SLC7A5: variants seen among roughly 807,000 people sequenced by gnomAD.
SLC7A5 encodes solute carrier family 7 member 5, also known as large neutral amino acids transporter small subunit 1.
Under a neutral mutation model 50.2 loss-of-function variants are expected in SLC7A5, and 23 were observed. The ratio of observed to expected loss-of-function variants is 0.46; its 90% confidence interval spans 0.33 to 0.65. The LOEUF (loss-of-function observed/expected upper bound fraction) is 0.65, where lower values mean the gene tolerates loss of function less well. Ranked by LOEUF, SLC7A5 falls within the 30% of genes least tolerant of loss-of-function variation. SLC7A5 has a pLI of 0.02. For missense variants in SLC7A5, 578 were observed against 684.4 expected (o/e 0.84, Z 1.73); for synonymous variants, 393 against 330.6 (o/e 1.19, Z -2.05).
chr16:87,856,025 C>G (rs2055314304), intron 1 of SLC7A5, among the ~76,000 whole-genome samples: 1 of 152,186 alleles, frequency 6.6e-6, no homozygotes, highest in Admixed American at 6.5e-5. Context: ...CTTGGCCTGT[C>G]TGTAAGTGGG....
chr16:87,845,561 A>G (rs2055143268), intron 2 of SLC7A5, among the ~76,000 whole-genome samples: 1 of 141,050 alleles, frequency 7.1e-6, no homozygotes. Context: ...CGCCCACCCT[A>G]GGCCACGGCG....
chr16:87,842,981 G>A (rs1233590018), intron 2 of SLC7A5, among the ~76,000 whole-genome samples: 1 of 152,174 alleles, frequency 6.6e-6, no homozygotes, highest in Non-Finnish European at 1.5e-5. Context: ...CTTCTGCTGG[G>A]GGGAGCATCT....
chr16:87,865,350 G>A (rs769866991), intron 1 of SLC7A5, among the ~76,000 whole-genome samples: 3 of 152,228 alleles, frequency 2.0e-5, no homozygotes, highest in Non-Finnish European at 2.9e-5. Context: ...CTCTGGGTCA[G>A]AGAGGGTTGG....
intron 2 of SLC7A5, among the ~76,000 whole-genome samples, chr16:87,846,876 A>G (rs1567493727): frequency 6.6e-6 from 1 of 152,188 alleles, no homozygotes; most frequent in African/African-American, 2.4e-5. Flanking sequence ...CGTGCCGGGG[A>G]CGCGGTGAGC....
In SLC7A5 at chr16:87,869,322, C is replaced by T; in HGVS notation, c.101G>A (p.Gly34Asp). Residue 34 changes from glycine (G) to aspartate (D), a missense_variant, in exon 1 of 10, where the codon GGC (glycine) becomes GAC (aspartate). Coordinates refer to ENST00000261622, the MANE Select transcript of SLC7A5 (RefSeq NM_003486.7). ...CTCGCCCTCGCCTGCCGGCGCCGAGCCGTCCGCGCTCTTGGCGGCCAGCAT... is the reference window on the plus strand; with the variant it reads ...CTCGCCCTCGCCTGCCGGCGCCGAGTCGTCCGCGCTCTTGGCGGCCAGCAT... ...EKMLAAKSADGSAPAGEGEGV... is the reference protein window; with the variant it reads ...EKMLAAKSADDSAPAGEGEGV... 1 of 1,610,648 alleles carries T rather than the reference C, an allele frequency of 6.2e-7. No individual in the cohort carries two copies. The highest frequency in any genetic ancestry group is 8.5e-7 in the Non-Finnish European group (1 of 1,179,430).
chr16:87,857,167 C>T (rs930933660), intron 1 of SLC7A5, among the ~76,000 whole-genome samples: 16 of 152,336 alleles, frequency 1.1e-4, no homozygotes, highest in African/African-American at 2.6e-4. Flanking sequence ...CAAAGTGGTC[C>T]GGAAACCCCA....
In SLC7A5 at chr16:87,844,618, G is replaced by A. The variant is rs149787492; in HGVS notation, c.665-3463C>T. Among the ~76,000 whole-genome samples the A allele has an allele frequency of 9.4e-3, 1,433 of 152,346 alleles. 13 individuals carry two copies. Among genetic ancestry groups the A allele is most frequent in the Non-Finnish European group, 0.015 (1,041 of 68,042 alleles). Reference sequence around the variant, plus strand: ...CAGAGGACGATGTCTCCCCATGAACGCAGTGTCCCTGGAGAGAAGAGCCTG... The same window carrying A: ...CAGAGGACGATGTCTCCCCATGAACACAGTGTCCCTGGAGAGAAGAGCCTG... On this transcript the variant is annotated intron_variant, in intron 2 of 9. Coordinates refer to ENST00000261622, the MANE Select transcript of SLC7A5 (RefSeq NM_003486.7).
At chr16:87,845,998 C>A (rs916952886) in intron 2 of SLC7A5, among the ~76,000 whole-genome samples, 1 of 152,216 alleles carries the variant, frequency 6.6e-6, no homozygotes, top group Non-Finnish European at 1.5e-5. Flanking sequence ...GAATGGCAGG[C>A]CCAGGACACA....
intron 7 of SLC7A5, chr16:87,836,887 A>C (rs567020752): frequency 1.7e-5 from 9 of 518,016 alleles, no homozygotes; most frequent in Middle Eastern, 5.6e-4. Flanking sequence ...AGAGGAGGGA[A>C]GGAGGGAGGA....
chr16:87,857,125 C>G (rs959542543), intron 1 of SLC7A5, among the ~76,000 whole-genome samples: 4 of 152,284 alleles, frequency 2.6e-5, no homozygotes, highest in Non-Finnish European at 5.9e-5. Flanking sequence ...GATCCACCTG[C>G]CTCCCTGCCA....
chr16:87,859,143 G>A lies in SLC7A5; in HGVS notation c.539-7294C>T, dbSNP rs1319608490. On this transcript the variant is annotated intron_variant, in intron 1 of 9. Coordinates refer to ENST00000261622, the MANE Select transcript of SLC7A5 (RefSeq NM_003486.7). ...CACGTCACCCCAGGCTTCCAGCTCT[G>A]AAGCAAACGACCAGAGAAGTCAAGC... is the stretch of plus-strand genomic sequence containing the variant. Among the ~76,000 whole-genome samples, 6 of 152,222 alleles carry A rather than the reference G, an allele frequency of 3.9e-5. No homozygotes were observed. The East Asian group carries it at 9.6e-4, about 24-fold the overall frequency.
In SLC7A5 at chr16:87,869,397, C is replaced by T. The variant is rs1316007069; in HGVS notation, c.26G>A (p.Arg9His). Residue 9 changes from arginine to histidine, a missense_variant, in exon 1 of 10, where the codon CGC (arginine) becomes CAC (histidine). By Grantham distance (29) the Arg-to-His change is conservative (BLOSUM62 0). Coordinates refer to ENST00000261622, the MANE Select transcript of SLC7A5 (RefSeq NM_003486.7). ...CTCGGCCGCCGGCGCCGCTAGCGCG[C>T]GCCGCTTCGGGCCCGCACCCGCCAT... Reference protein sequence around the residue: MAGAGPKRRALAAPAAEEK... With the variant: MAGAGPKRHALAAPAAEEK... The T allele has an allele frequency of 1.3e-6, 2 of 1,536,566 alleles. No individual in the cohort carries two copies. The highest frequency in any genetic ancestry group is 1.4e-5 in the African/African-American group (1 of 72,648).
Position 87,833,741 on chromosome 16 carries a change from T to C in SLC7A5, c.1468+673A>G, listed in dbSNP as rs536343780. Among the ~76,000 whole-genome samples the C allele has an allele frequency of 3.9e-4, 59 of 152,174 alleles. No homozygotes were observed. The highest frequency in any genetic ancestry group is 1.3e-3 in the African/African-American group (56 of 41,522). ...GTAGGCCCGCAAGCACCCCGGCCTT[T>C]TTCTACGAGCCTGGCCACATTTGCA... is the stretch of plus-strand genomic sequence containing the variant. On this transcript the variant is annotated intron_variant, in intron 9 of 9. Transcript: ENST00000261622. The surrounding 1 kb of genome is among the most constrained non-coding windows in gnomAD (Gnocchi z 6.0).
intron 1 of SLC7A5, among the ~76,000 whole-genome samples, chr16:87,856,967 C>A (rs1333024731): frequency 6.6e-6 from 1 of 152,116 alleles, no homozygotes; most frequent in Non-Finnish European, 1.5e-5. Flanking sequence ...GGAGCGCCCC[C>A]AGCACAGGCG....
At chr16:87,838,612 C>A in intron 6 of SLC7A5, 102 bp downstream of exon 6, 1 of 914,628 alleles carries the variant, frequency 1.1e-6, no homozygotes, top group South Asian at 1.3e-5. Flanking sequence ...AATTATGCAT[C>A]CCCAGTATCA....
chr16:87,862,436 G>A lies in SLC7A5; in HGVS notation c.538+6449C>T, dbSNP rs1567502433. 6.6e-6 allele frequency among the ~76,000 whole-genome samples: 1 copy of A among 152,234 alleles called. No homozygotes were observed. The highest frequency in any genetic ancestry group is 1.5e-5 in the Non-Finnish European group (1 of 68,044). On this transcript the variant is annotated intron_variant, in intron 1 of 9. Coordinates refer to ENST00000261622, the MANE Select transcript of SLC7A5 (RefSeq NM_003486.7). This position sits in a 1 kb window ranked among gnomAD's most constrained non-coding sequence, Gnocchi z 5.3. Reference sequence around the variant, plus strand: ...GGAGGGGCTCAGAGACAGTTGTGGCGATTCCTACTTCCACCCATAGCCCCC... The same window carrying A: ...GGAGGGGCTCAGAGACAGTTGTGGCAATTCCTACTTCCACCCATAGCCCCC...
Position 87,841,084 on chromosome 16 carries a change from C to G in SLC7A5, c.736G>C (p.Ala246Pro), listed in dbSNP as rs768893658. 1.2e-6 allele frequency: 2 copies of G among 1,613,876 alleles called. No individual in the cohort carries two copies. The highest frequency in any genetic ancestry group is 2.2e-5 in the South Asian group (2 of 91,084). The part of the protein sequence containing the change: ...TKLDVGNIVL[A>P]LYSGLFAYGG... ...TAGGCAAAGAGGCCGCTGTATAATG[C>G]CAGCACAATGTTCCCCACATCCAGT... Residue 246 changes from alanine (A) to proline (P), a missense_variant, in exon 3 of 10, where the codon GCA becomes CCA. Ala to Pro is a conservative substitution (Grantham distance 27, BLOSUM62 -1). Transcript: ENST00000261622. The surrounding 1 kb of genome is among the most constrained non-coding windows in gnomAD (Gnocchi z 4.8).
At chr16:87,838,614 C>T in intron 6 of SLC7A5, 100 bp downstream of exon 6, 1 of 927,504 alleles carries the variant, frequency 1.1e-6, no homozygotes, top group Admixed American at 1.7e-5. Flanking sequence ...TTATGCATCC[C>T]CAGTATCACA....
rs33973025 is a variant in SLC7A5, at chr16:87,834,403, G to A, written c.1468+11C>T. The stretch of plus-strand genomic sequence containing the variant: ...AGGGTACCACGGGCTGTGGGCCAGC[G>A]AGATACTCACAGATGCCCTGGAGGA... On this transcript the variant is annotated intron_variant, in intron 9 of 9. Transcript: ENST00000261622. The A allele has an allele frequency of 5.8e-4, 897 of 1,552,150 alleles. 2 individuals are homozygous for A. In the South Asian group the frequency reaches 9.2e-3, roughly 16 times the overall value.
Sources: allele counts gnomAD v4.1 joint callset (sites outside exome capture counted in the v4.1 genomes callset), GRCh38; gene constraint gnomAD v4.1.1; non-coding constraint Gnocchi (gnomAD v3.1); transcripts MANE v1.5; gene names NCBI Gene and HGNC (gene_info 2026-07-23, HGNC 2026-07-21).